TASP1: variants seen among roughly 807,000 people sequenced by gnomAD.
TASP1 encodes the protein threonine aspartase 1.
In TASP1, 16 loss-of-function variants were observed where a neutral mutation model predicts 56.6. The ratio of observed to expected loss-of-function variants is 0.28; its 90% CI spans 0.19 to 0.43. TASP1 has a LOEUF of 0.43. TASP1 is among the 20% of genes least tolerant of loss of function. The pLI, the probability that TASP1 is intolerant of heterozygous loss-of-function variation, is 1.00. For synonymous variants in TASP1, 179 were observed against 184.2 expected (o/e 0.97, Z 0.23); for missense variants, 393 against 511.6 (o/e 0.77, Z 2.24).
intron 4 of TASP1, among the ~76,000 whole-genome samples, chr20:13,589,449 T>G (rs1332697736): frequency 6.6e-6 from 1 of 152,210 alleles, no homozygotes; most frequent in East Asian, 1.9e-4. Flanking sequence ...ACACCATGTA[T>G]AAAAATTAAC....
the TASP1 span, among the ~76,000 whole-genome samples, chr20:13,169,615 A>C: frequency 6.6e-6 from 1 of 152,202 alleles, no homozygotes; most frequent in African/African-American, 2.4e-5. Context: ...TGTTGAGCTG[A>C]CAACAATGCC....
the TASP1 span, among the ~76,000 whole-genome samples, chr20:13,185,491 A>G: frequency 1.3e-5 from 2 of 152,148 alleles, no homozygotes; most frequent in Non-Finnish European, 2.9e-5. Context: ...GACAGCATAT[A>G]ATTTTACTAT....
chr20:13,551,915 T>C (rs970103880), intron 8 of TASP1, among the ~76,000 whole-genome samples: 2 of 152,140 alleles, frequency 1.3e-5, no homozygotes, highest in Admixed American at 6.6e-5. Context: ...TGAGAGGCCA[T>C]GGCAATTTTG....
the TASP1 span, among the ~76,000 whole-genome samples, chr20:13,210,619 G>A: frequency 1.0e-4 from 8 of 76,268 alleles, no homozygotes; most frequent in African/African-American, 4.1e-4. Context: ...GTGCACACGT[G>A]TGTGTGTGTG....
At chr20:13,222,308 G>A in the TASP1 span, among the ~76,000 whole-genome samples, 2 of 152,178 alleles carry the variant, frequency 1.3e-5, no homozygotes, top group Non-Finnish European at 2.9e-5. Flanking sequence ...AGGGACGCAA[G>A]GAGACTTTAT....
intron 11 of TASP1, among the ~76,000 whole-genome samples, chr20:13,445,971 C>A (rs1378692218): frequency 6.6e-6 from 1 of 152,128 alleles, no homozygotes; most frequent in Admixed American, 6.6e-5. Flanking sequence ...AGAATCAGTT[C>A]TGTACCAACC....
chr20:13,393,985 T>C (rs184562521), intron 13 of TASP1, among the ~76,000 whole-genome samples: 34 of 152,220 alleles, frequency 2.2e-4, no homozygotes, highest in African/African-American at 7.7e-4. Context: ...TAAAGATTAA[T>C]CTTAGATTTT....
Position 13,390,326 on chromosome 20 carries a change from T to C in TASP1, c.*34A>G. ...ACCCCCAAAAGCTCAGGTTCTGAAA[T>C]GCCTCTGAGACGCTTCACACTCAGC... On this transcript the variant is annotated 3_prime_UTR_variant, in exon 14 of 14. Coordinates refer to ENST00000337743, the MANE Select transcript of TASP1 (RefSeq NM_017714.3). The C allele has an allele frequency of 6.3e-7, 1 of 1,590,328 alleles. No individual in the cohort carries two copies. The highest frequency in any genetic ancestry group is 8.6e-7 in the Non-Finnish European group (1 of 1,161,058).
the TASP1 span, among the ~76,000 whole-genome samples, chr20:13,175,752 T>C: frequency 6.6e-6 from 1 of 152,222 alleles, no homozygotes; most frequent in Non-Finnish European, 1.5e-5. Flanking sequence ...TTAGAAAATA[T>C]CTCTGAAAGG....
the TASP1 span, among the ~76,000 whole-genome samples, chr20:13,350,145 C>A: frequency 2.6e-5 from 4 of 151,904 alleles, no homozygotes; most frequent in Non-Finnish European, 4.4e-5. Context: ...AAAAACAAAA[C>A]AAAAACAAAA....
chr20:13,127,621 T>C, the TASP1 span, among the ~76,000 whole-genome samples: 1 of 152,210 alleles, frequency 6.6e-6, no homozygotes, highest in African/African-American at 2.4e-5. Context: ...ATAAAACAGA[T>C]AAGAACAAGG....
intron 4 of TASP1, among the ~76,000 whole-genome samples, chr20:13,615,381 T>C (rs1405574248): frequency 6.6e-6 from 1 of 152,196 alleles, no homozygotes; most frequent in Non-Finnish European, 1.5e-5. Flanking sequence ...ATGTCTAAGA[T>C]TCAGCTTTAA....
chr20:13,615,705 G>A (rs1173581390), intron 4 of TASP1, among the ~76,000 whole-genome samples: 3 of 151,878 alleles, frequency 2.0e-5, no homozygotes, highest in Middle Eastern at 3.4e-3. Flanking sequence ...GGGTTTCACC[G>A]TGTTAGCCAG....
At chr20:13,456,002 G>A (rs2043819573) in intron 11 of TASP1, among the ~76,000 whole-genome samples, 1 of 152,092 alleles carries the variant, frequency 6.6e-6, no homozygotes, top group Admixed American at 6.6e-5. Flanking sequence ...AGCTTTCAAT[G>A]GGAATTTTAA....
the TASP1 span, among the ~76,000 whole-genome samples, chr20:13,147,119 C>A: frequency 6.6e-6 from 1 of 152,114 alleles, no homozygotes; most frequent in African/African-American, 2.4e-5. Flanking sequence ...GGCTGCCCAC[C>A]CCTGATGTCC....
the TASP1 span, among the ~76,000 whole-genome samples, chr20:13,136,274 A>C: frequency 2.0e-5 from 3 of 152,160 alleles, no homozygotes; most frequent in African/African-American, 7.2e-5. Flanking sequence ...TTCTTCCTGG[A>C]AAACAATAGC....
chr20:13,252,930 G>GC, the TASP1 span, among the ~76,000 whole-genome samples: 5 of 151,962 alleles, frequency 3.3e-5, no homozygotes, highest in African/African-American at 7.3e-5. Flanking sequence ...GGGGTCCCCA[G>GC]CCCCCCCTCT....
intron 10 of TASP1, among the ~76,000 whole-genome samples, chr20:13,521,056 T>A (rs564010282): frequency 1.8e-3 from 267 of 152,108 alleles, no homozygotes; most frequent in African/African-American, 6.2e-3. Context: ...GAGAAATACG[T>A]ATCAAAACCA....
the TASP1 span, among the ~76,000 whole-genome samples, chr20:13,150,799 A>T: frequency 6.6e-5 from 10 of 152,158 alleles, no homozygotes; most frequent in African/African-American, 2.4e-4. Flanking sequence ...GTTCTTCCAC[A>T]AATCACAAGA....
Sources: gnomAD v4.1 joint callset for allele counts (sites outside exome capture counted in the v4.1 genomes callset) on GRCh38, gnomAD v4.1.1 for gene constraint, MANE v1.5 for transcripts, NCBI Gene and HGNC (gene_info 2026-07-23, HGNC 2026-07-21) for gene names.